Variants in ADAMTSL3 observed in about 807,000 individuals in gnomAD.
The protein encoded by ADAMTSL3 is ADAMTS-like protein 3.
A neutral mutation model predicts 201.7 loss-of-function variants in ADAMTSL3; 128 were observed. The observed-to-expected ratio is 0.63, with a 90% CI of 0.55 to 0.73. ADAMTSL3 has a LOEUF of 0.73. Among genes scored for constraint, ADAMTSL3 ranks in the 30% least tolerant of loss-of-function variants. The pLI is 0.00. For missense variants in ADAMTSL3, 1,990 were observed against 2,119.6 expected (o/e 0.94, Z 1.20); for synonymous variants, 738 against 748.4 (o/e 0.99, Z 0.23).
intron 6 of ADAMTSL3, among the ~76,000 whole-genome samples, chr15:83,836,561 C>G (rs1019997613): frequency 6.6e-6 from 1 of 152,158 alleles, no homozygotes; most frequent in Non-Finnish European, 1.5e-5. Context: ...GATATAGAGT[C>G]TGATTCAACA....
intron 19 of ADAMTSL3, among the ~76,000 whole-genome samples, chr15:83,952,401 G>A (rs908936564): frequency 6.6e-6 from 1 of 152,138 alleles, no homozygotes; most frequent in Admixed American, 6.6e-5. Flanking sequence ...AATAATCCAT[G>A]TGCTGAAGAG....
chr15:83,897,711 C>G (rs2065645153), intron 13 of ADAMTSL3, 147 bp from the exon 14 acceptor site: 1 of 863,900 alleles, frequency 1.2e-6, no homozygotes, highest in African/African-American at 1.7e-5. Context: ...AAATTAGCCT[C>G]TGTACCCTTC....
At chr15:83,822,684 G>A (rs1423026735) in intron 6 of ADAMTSL3, among the ~76,000 whole-genome samples, 6 of 150,558 alleles carry the variant, frequency 4.0e-5, no homozygotes, top group African/African-American at 1.5e-4. Flanking sequence ...GATGGCGGCC[G>A]GGCAGAGACG....
chr15:83,718,748 A>G (rs983510830), intron 3 of ADAMTSL3, among the ~76,000 whole-genome samples: 1 of 152,128 alleles, frequency 6.6e-6, no homozygotes, highest in Non-Finnish European at 1.5e-5. Flanking sequence ...CAAAAATTGC[A>G]AAGGACTTAA....
rs564666606 is a variant in ADAMTSL3, at chr15:83,815,618, G to T, written c.364-4193G>T. ...TAGCTTGTCTTGAGCTGGGACATGG[G>T]ACCTAGCTGAGCCAGATTAGGCAAG... On this transcript the variant is annotated intron_variant, in intron 5 of 29. Transcript: ENST00000286744. Among the ~76,000 whole-genome samples, 4 of 152,342 alleles carry T rather than the reference G, an allele frequency of 2.6e-5. No homozygotes were observed. The South Asian group carries it at 8.3e-4, about 32-fold the overall frequency.
chr15:83,667,834 G>A (rs2061270176), intron 2 of ADAMTSL3, among the ~76,000 whole-genome samples: 1 of 149,836 alleles, frequency 6.7e-6, no homozygotes, highest in Admixed American at 6.6e-5. Flanking sequence ...GATTGGTGCA[G>A]ATGAAATGGG....
intron 3 of ADAMTSL3, among the ~76,000 whole-genome samples, chr15:83,749,352 G>A (rs1281969178): frequency 6.6e-6 from 1 of 152,204 alleles, no homozygotes; most frequent in Non-Finnish European, 1.5e-5. Flanking sequence ...GATGGCTAAA[G>A]GCTGTTTGAT....
intron 29 of ADAMTSL3, among the ~76,000 whole-genome samples, chr15:84,037,232 C>G (rs2068528717): frequency 6.6e-6 from 1 of 152,176 alleles, no homozygotes; most frequent in Admixed American, 6.5e-5. Flanking sequence ...TTGGTTACTG[C>G]CTTTCCGACA....
chr15:83,871,042 A>G, intron 9 of ADAMTSL3, 83 bp downstream of exon 9: 1 of 1,483,002 alleles, frequency 6.7e-7, no homozygotes, highest in Non-Finnish European at 9.2e-7. Flanking sequence ...GTTTAGCAAG[A>G]GGTCATCAAT....
At position 83,933,925 on chromosome 15, in the gene ADAMTSL3, G is replaced by C. The variant is rs138126691; in HGVS notation, c.2118-8671G>C. Among the ~76,000 whole-genome samples the C allele has an allele frequency of 2.3e-3, 349 of 152,342 alleles. 1 individual carries two copies. Among genetic ancestry groups the C allele is most frequent in the Non-Finnish European group, 3.9e-3 (264 of 68,042 alleles). On this transcript the variant is annotated intron_variant, in intron 17 of 29. Transcript: ENST00000286744. ...ATCGAGGTTTGGGAGCCTTTGCCTA[G>C]ATTTCAGAGGATGTCCAGGCAGAAG... is the stretch of plus-strand genomic sequence containing the variant.
At chr15:83,838,554 A>G (rs1173166009) in intron 7 of ADAMTSL3, among the ~76,000 whole-genome samples, 3 of 152,296 alleles carry the variant, frequency 2.0e-5, no homozygotes, top group African/African-American at 4.8e-5. Context: ...TCATGTATCT[A>G]TTGACCATTT....
At chr15:83,887,946 G>C (rs2065429665) in intron 10 of ADAMTSL3, among the ~76,000 whole-genome samples, 1 of 152,182 alleles carries the variant, frequency 6.6e-6, no homozygotes, top group Admixed American at 6.5e-5. Context: ...TAGTCATTCA[G>C]AGAGACGTTC....
In ADAMTSL3 at chr15:84,014,495, C is replaced by G. The variant is rs771176127; in HGVS notation, c.3974-47C>G. On this transcript the variant is annotated intron_variant, in intron 23 of 29. Coordinates refer to ENST00000286744, the MANE Select transcript of ADAMTSL3 (RefSeq NM_207517.3). Reference sequence around the variant, plus strand: ...GTATTTGTCAAGTGGTTCTGTGGCCCTGTTCTTAAAGGAATTGCCTTTGTC... The same window carrying G: ...GTATTTGTCAAGTGGTTCTGTGGCCGTGTTCTTAAAGGAATTGCCTTTGTC... The G allele has an allele frequency of 1.9e-6, 3 of 1,557,402 alleles. No individual in the cohort carries two copies. In the Admixed American group the frequency reaches 5.2e-5, roughly 27 times the overall value.
At chr15:83,724,687 T>C (rs1055036205) in intron 3 of ADAMTSL3, among the ~76,000 whole-genome samples, 111 of 151,886 alleles carry the variant, frequency 7.3e-4, no homozygotes, top group African/African-American at 2.6e-3. Context: ...CATCCCCACT[T>C]CCCCCACCGC....
intron 23 of ADAMTSL3, among the ~76,000 whole-genome samples, chr15:83,998,376 G>C (rs769836212): frequency 6.6e-6 from 1 of 152,200 alleles, no homozygotes; most frequent in Non-Finnish European, 1.5e-5. Flanking sequence ...TTGAACCCGA[G>C]AGGCGGAGGT....
At chr15:83,917,492 T>G (rs1412481726) in intron 16 of ADAMTSL3, among the ~76,000 whole-genome samples, 1 of 152,218 alleles carries the variant, frequency 6.6e-6, no homozygotes, top group East Asian at 1.9e-4. Context: ...CAGCAGTATC[T>G]GTGTGTGTAG....
intron 19 of ADAMTSL3, among the ~76,000 whole-genome samples, chr15:83,954,347 T>C (rs374564294): frequency 1.4e-3 from 206 of 152,350 alleles, no homozygotes; most frequent in African/African-American, 4.7e-3. Context: ...AGTATGTCAA[T>C]TGTATTTTTT....
At chr15:83,777,253 C>T (rs936200288) in intron 4 of ADAMTSL3, among the ~76,000 whole-genome samples, 1 of 152,216 alleles carries the variant, frequency 6.6e-6, no homozygotes. Flanking sequence ...CCCCCGGCAC[C>T]TGGTAGCACT....
chr15:83,864,832 T>G (rs1428423764), intron 8 of ADAMTSL3, among the ~76,000 whole-genome samples: 1 of 152,226 alleles, frequency 6.6e-6, no homozygotes, highest in Admixed American at 6.5e-5. Flanking sequence ...TTGTCCCTGT[T>G]TGCAGATGAC....
Sources: allele counts gnomAD v4.1 joint callset (sites outside exome capture counted in the v4.1 genomes callset), GRCh38; gene constraint gnomAD v4.1.1; transcripts MANE v1.5; gene names NCBI Gene and HGNC (gene_info 2026-07-23, HGNC 2026-07-21).